The following RALGPS2 variants were observed in gnomAD, a reference collection of about 807,000 sequenced individuals.
The protein encoded by RALGPS2 is ras-specific guanine nucleotide-releasing factor RalGPS2.
Under a neutral mutation model 86.8 loss-of-function variants are expected in RALGPS2, and 43 were observed. The ratio of observed to expected loss-of-function variants is 0.50; its 90% CI spans 0.39 to 0.64. The LOEUF (loss-of-function observed/expected upper bound fraction) is 0.64. RALGPS2 is among the 30% of genes least tolerant of loss of function. RALGPS2 has a pLI of 0.00. For missense variants in RALGPS2, 536 were observed against 694.6 expected, an observed-to-expected ratio of 0.77 and a Z score of 2.57; for synonymous variants, 243 against 231.3, an observed-to-expected ratio of 1.05 and a Z score of -0.46.
intron 1 of RALGPS2, among the ~76,000 whole-genome samples, chr1:178,760,486 T>C (rs550241227): frequency 3.2e-4 from 49 of 152,342 alleles, no homozygotes; most frequent in African/African-American, 8.7e-4. Context: ...TTCTGTGATA[T>C]AAGAATAGCA....
At chr1:178,851,749 G>A (rs1182712222) in intron 8 of RALGPS2, among the ~76,000 whole-genome samples, 1 of 152,084 alleles carries the variant, frequency 6.6e-6, no homozygotes, top group Non-Finnish European at 1.5e-5. Flanking sequence ...CTGTAAATAA[G>A]ACATATGTTA....
chr1:178,831,956 T>A (rs1414316590), intron 7 of RALGPS2, among the ~76,000 whole-genome samples: 1 of 152,194 alleles, frequency 6.6e-6, no homozygotes, highest in Non-Finnish European at 1.5e-5. Flanking sequence ...GTGGCAAGAT[T>A]AGTTACGAGT....
chr1:178,880,091 T>A (rs1265884374), intron 10 of RALGPS2, among the ~76,000 whole-genome samples: 2 of 152,164 alleles, frequency 1.3e-5, no homozygotes, highest in Non-Finnish European at 2.9e-5. Flanking sequence ...CAAATTGAAT[T>A]TTGCACTTTC....
intron 1 of RALGPS2, among the ~76,000 whole-genome samples, chr1:178,735,045 A>G (rs955018131): frequency 5.9e-5 from 9 of 152,346 alleles, no homozygotes; most frequent in Middle Eastern, 3.4e-3. Context: ...GGGCATGTCC[A>G]TAGCAGCTTC....
intron 1 of RALGPS2, among the ~76,000 whole-genome samples, chr1:178,730,817 T>G (rs1650303026): frequency 6.6e-6 from 1 of 151,874 alleles, no homozygotes; most frequent in Non-Finnish European, 1.5e-5. Flanking sequence ...TTCTCCTGCC[T>G]CAGCCTCCCA....
Position 178,902,156 on chromosome 1 carries a change from G to T in RALGPS2, c.1575G>T (p.Met525Ile). The T allele has an allele frequency of 1.2e-6, 2 of 1,613,130 alleles. No individual in the cohort carries two copies. Among genetic ancestry groups the T allele is most frequent in the Non-Finnish European group, 1.7e-6 (2 of 1,179,300 alleles). ...KNVSVIGWMV[M>I]MADDPEHPDL... Reference sequence around the variant, plus strand: ...TATCTGTGATAGGATGGATGGTGATGATGGCTGATGACCCTGAACATCCTG... The same window carrying T: ...TATCTGTGATAGGATGGATGGTGATTATGGCTGATGACCCTGAACATCCTG... The change falls in exon 18 of 20, where the codon ATG becomes ATT. Residue 525 changes from methionine to isoleucine, a missense_variant. By Grantham distance (10) the Met-to-Ile change is conservative. Coordinates refer to ENST00000367635, the MANE Select transcript of RALGPS2 (RefSeq NM_152663.5).
chr1:178,773,805 A>AG (rs1427823572), intron 1 of RALGPS2, among the ~76,000 whole-genome samples: 1 of 152,178 alleles, frequency 6.6e-6, no homozygotes, highest in Admixed American at 6.5e-5. Flanking sequence ...CAAAAAAAAA[A>AG]AAAATACTAT....
intron 4 of RALGPS2, among the ~76,000 whole-genome samples, chr1:178,786,809 GC>G (rs1226876219): frequency 6.6e-6 from 1 of 152,004 alleles, no homozygotes; most frequent in East Asian, 1.9e-4. Flanking sequence ...GTCTGTAGTG[GC>G]CCTGAACACT....
At chr1:178,830,005 A>C (rs893965694) in intron 7 of RALGPS2, among the ~76,000 whole-genome samples, 15 of 152,304 alleles carry the variant, frequency 9.8e-5, no homozygotes, top group African/African-American at 3.4e-4. Flanking sequence ...TTGGCCTCCC[A>C]AAGTGCTAGG....
intron 1 of RALGPS2, among the ~76,000 whole-genome samples, chr1:178,752,067 G>A (rs140690631): frequency 3.3e-5 from 5 of 151,838 alleles, no homozygotes; most frequent in African/African-American, 1.2e-4. Context: ...GCCCAGATTG[G>A]TCCTAGTCTG....
intron 1 of RALGPS2, among the ~76,000 whole-genome samples, chr1:178,751,134 A>G (rs1044351266): frequency 1.3e-5 from 2 of 151,808 alleles, no homozygotes; most frequent in African/African-American, 2.4e-5. Context: ...AGACACACAC[A>G]CCCTATGTCC....
intron 1 of RALGPS2, among the ~76,000 whole-genome samples, chr1:178,776,279 A>C (rs935661225): frequency 1.3e-5 from 2 of 152,192 alleles, no homozygotes; most frequent in Admixed American, 1.3e-4. Context: ...TGATAAGCTT[A>C]TTCAGTATTG....
intron 1 of RALGPS2, among the ~76,000 whole-genome samples, chr1:178,730,164 C>T (rs1383124554): frequency 1.3e-5 from 2 of 152,116 alleles, no homozygotes; most frequent in East Asian, 3.9e-4. Context: ...CTGTGAACTC[C>T]TGACCTCAAG....
intron 1 of RALGPS2, among the ~76,000 whole-genome samples, chr1:178,734,437 C>T (rs1650562035): frequency 6.6e-6 from 1 of 152,184 alleles, no homozygotes; most frequent in African/African-American, 2.4e-5. Flanking sequence ...GTATGGATTT[C>T]TTTCTGAGAT....
At chr1:178,765,447 G>A (rs1479295467) in intron 1 of RALGPS2, among the ~76,000 whole-genome samples, 3 of 152,140 alleles carry the variant, frequency 2.0e-5, no homozygotes, top group Non-Finnish European at 2.9e-5. Context: ...TACGAATAAG[G>A]TGTGGGTCAC....
intron 10 of RALGPS2, among the ~76,000 whole-genome samples, chr1:178,881,348 G>T (rs1480987707): frequency 2.0e-5 from 3 of 152,094 alleles, no homozygotes; most frequent in Non-Finnish European, 4.4e-5. Flanking sequence ...AGTATGCTGG[G>T]GATGGAATGA....
intron 4 of RALGPS2, among the ~76,000 whole-genome samples, chr1:178,800,426 A>G (rs558860940): frequency 6.6e-6 from 1 of 152,222 alleles, no homozygotes; most frequent in African/African-American, 2.4e-5. Flanking sequence ...CACTGAGACA[A>G]CAAGACCAAC....
intron 4 of RALGPS2, among the ~76,000 whole-genome samples, chr1:178,807,144 C>G (rs547698158): frequency 3.3e-5 from 5 of 152,156 alleles, no homozygotes; most frequent in Non-Finnish European, 5.9e-5. Flanking sequence ...TCCAGTCTGG[C>G]CAACATAGCG....
At chr1:178,851,701 A>C (rs557497724) in intron 8 of RALGPS2, among the ~76,000 whole-genome samples, 101 of 152,336 alleles carry the variant, frequency 6.6e-4, no homozygotes, top group African/African-American at 2.4e-3. Context: ...AGCAAAAAAT[A>C]ATACAAAGTA....
Sources: allele counts gnomAD v4.1 joint callset (sites outside exome capture counted in the v4.1 genomes callset), GRCh38; gene constraint gnomAD v4.1.1; transcripts MANE v1.5; gene names NCBI Gene and HGNC (gene_info 2026-07-23, HGNC 2026-07-21).